TRPV4: variants seen among roughly 807,000 people sequenced by gnomAD.
The protein encoded by TRPV4 is OSM9-like transient receptor potential channel 4.
A neutral mutation model predicts 84.1 loss-of-function variants in TRPV4; 58 were observed. The observed-to-expected ratio is 0.69, with a 90% confidence interval of 0.56 to 0.86. The LOEUF is 0.86. Among genes scored for constraint, TRPV4 ranks in the 40% least tolerant of loss-of-function variants. TRPV4 has a pLI of 0.00. For missense variants in TRPV4, 879 were observed against 1,181.1 expected (o/e 0.74, Z 3.75); for synonymous variants, 489 against 500.9 (o/e 0.98, Z 0.32).
rs78287613 is a variant in TRPV4, at chr12:109,786,206, T to G, written c.2336+504A>C. 0.027 allele frequency among the ~76,000 whole-genome samples: 4,134 copies of G among 152,298 alleles called. 197 individuals are homozygous for G. Among genetic ancestry groups the G allele is most frequent in the African/African-American group, 0.095 (3,929 of 41,540 alleles). ...AGGGGTTCCCCTAAGAAGCTGGCAC[T>G]CCCTGTGCCTCTGGAACACGGAGTC... On this transcript the variant is annotated intron_variant, in intron 14 of 15. Transcript: ENST00000261740. This position sits in a 1 kb window ranked among gnomAD's most constrained non-coding sequence, Gnocchi z 4.5.
At position 109,815,414 on chromosome 12, in the gene TRPV4, A is replaced by G. The variant is rs1891799433; in HGVS notation, c.-31-587T>C. 6.6e-6 allele frequency among the ~76,000 whole-genome samples: 1 copy of G among 152,236 alleles called. No individual in the cohort carries two copies. Among genetic ancestry groups the G allele is most frequent in the Non-Finnish European group, 1.5e-5 (1 of 68,034 alleles). Reference sequence around the variant, plus strand: ...GAAAATCCATGTGGACTTGCTGTGTAGGCCGGCAGTCCTTTTCCTCATCAA... The same window carrying G: ...GAAAATCCATGTGGACTTGCTGTGTGGGCCGGCAGTCCTTTTCCTCATCAA... On this transcript the variant is annotated intron_variant, in intron 1 of 15. Coordinates refer to ENST00000261740, the MANE Select transcript of TRPV4 (RefSeq NM_021625.5). This position sits in a 1 kb window ranked among gnomAD's most constrained non-coding sequence, Gnocchi z 4.1.
chr12:109,800,843 G>A lies in TRPV4; in HGVS notation c.713-85C>T, dbSNP rs56081048. ...TGGGGGTGGGGGTAGGGTGCAGGAC[G>A]TAGAAATTGGGGGGTGGGGGATGCA... On this transcript the variant is annotated intron_variant, in intron 4 of 15. Transcript: ENST00000261740. The A allele has an allele frequency of 6.2e-5, 49 of 787,520 alleles. No individual in the cohort carries two copies. The East Asian group carries it at 1.8e-3, about 29-fold the overall frequency. The allele number at this position is 787,520 out of a possible 1,614,324, so 48.8% of individuals were successfully genotyped here. A position where few individuals can be genotyped will look rare whatever the true frequency, so the allele number is the denominator to read the frequency against.
intron 1 of TRPV4, chr12:109,832,510 C>G (rs1432393141): frequency 6.6e-6 from 1 of 152,252 alleles, no homozygotes; most frequent in Admixed American, 6.5e-5. Context: ...CCTGCCACTT[C>G]CCAAGCACCC....
chr12:109,783,273 C>A lies in TRPV4; in HGVS notation c.*348G>T. Reference sequence around the variant, plus strand: ...GCTTGGCCGGGCAGTGCACTTGGAACGGGGTCCTAAGGCCTCTGCCAGGTT... The same window carrying A: ...GCTTGGCCGGGCAGTGCACTTGGAAAGGGGTCCTAAGGCCTCTGCCAGGTT... On this transcript the variant is annotated 3_prime_UTR_variant, in exon 16 of 16. Coordinates refer to ENST00000261740, the MANE Select transcript of TRPV4 (RefSeq NM_021625.5). This position sits in a 1 kb window ranked among gnomAD's most constrained non-coding sequence, Gnocchi z 4.6. The A allele has an allele frequency of 3.9e-6, 1 of 256,850 alleles. No homozygotes were observed. Among genetic ancestry groups the A allele is most frequent in the Non-Finnish European group, 7.4e-6 (1 of 134,454 alleles). The allele number at this position is 256,850 out of a possible 1,614,324, so 15.9% of individuals were successfully genotyped here.
At chr12:109,789,364 G>A (rs946096656) in intron 12 of TRPV4, among the ~76,000 whole-genome samples, 6 of 152,050 alleles carry the variant, frequency 3.9e-5, no homozygotes, top group Admixed American at 2.6e-4. Context: ...ATCCTAATGC[G>A]GCCTACCATT....
rs184091289 is a variant in TRPV4 at position 109,817,960 on chromosome 12, C to T, written c.-31-3133G>A. Among the ~76,000 whole-genome samples, 131 of 152,256 alleles carry T rather than the reference C, an allele frequency of 8.6e-4. 2 individuals are homozygous for T. In the South Asian group the frequency reaches 0.021, roughly 24 times the overall value. On this transcript the variant is annotated intron_variant, in intron 1 of 15. Transcript: ENST00000261740. ...ATGACCCAGCCCACAATGTCAATAG[C>T]GTCGAGACTGAGAACATCTGCCCTG...
rs567659630 is a variant in TRPV4 at position 109,827,748 on chromosome 12, A to G, written c.-32+5602T>C. On this transcript the variant is annotated intron_variant, in intron 1 of 15. Coordinates refer to ENST00000261740, the MANE Select transcript of TRPV4 (RefSeq NM_021625.5). ...CATATGCACACACATACACACAGAC[A>G]TACATATACACACATACACACATAT... Among the ~76,000 whole-genome samples, 32 of 150,440 alleles carry G rather than the reference A, an allele frequency of 2.1e-4. No individual in the cohort carries two copies. In the Middle Eastern group the frequency reaches 0.017, roughly 80 times the overall value.
intron 1 of TRPV4, among the ~76,000 whole-genome samples, chr12:109,822,573 G>A (rs1234532177): frequency 1.3e-5 from 2 of 152,194 alleles, no homozygotes; most frequent in Non-Finnish European, 2.9e-5. Context: ...GAAAGGGGGA[G>A]GCAGGATTAG....
intron 7 of TRPV4, among the ~76,000 whole-genome samples, chr12:109,795,606 G>A (rs138618838): frequency 0.018 from 2,750 of 152,176 alleles, 104 homozygotes; most frequent in African/African-American, 0.062. Context: ...AAACCCAAGC[G>A]ACCAGCAATA....
Position 109,792,804 on chromosome 12 carries a change from C to T in TRPV4, c.1672G>A (p.Val558Ile). 6.2e-7 allele frequency: 1 copy of T among 1,613,848 alleles called. No individual in the cohort carries two copies. The highest frequency in any genetic ancestry group is 8.5e-7 in the Non-Finnish European group (1 of 1,180,030). The change falls in exon 11 of 16, where the codon GTC becomes ATC. Residue 558 changes from valine (V) to isoleucine (I), a missense_variant. Coordinates refer to ENST00000261740, the MANE Select transcript of TRPV4 (RefSeq NM_021625.5). ...SFQLLYFIYS[V>I]LVIVSAALYL... ...AGGGCTGCTGAGACGATCACCAGGACAGAGTAGATGAAGCTGCAGTGCAGC... is the reference window on the plus strand; with the variant it reads ...AGGGCTGCTGAGACGATCACCAGGATAGAGTAGATGAAGCTGCAGTGCAGC...
Position 109,798,941 on chromosome 12 carries a change from C to A in TRPV4, c.854-29G>T. 6.3e-7 allele frequency: 1 copy of A among 1,594,626 alleles called. No individual in the cohort carries two copies. Among genetic ancestry groups the A allele is most frequent in the South Asian group, 1.1e-5 (1 of 89,504 alleles). On this transcript the variant is annotated intron_variant, in intron 5 of 15. Transcript: ENST00000261740. This position sits in a 1 kb window ranked among gnomAD's most constrained non-coding sequence, Gnocchi z 5.0. ...CGGGCCAGGGTGAAGGGTGGGAGGT[C>A]AGCGAAGGGGGCCCAGGGTGGGACT...
Position 109,808,348 on chromosome 12 carries a change from C to A in TRPV4, c.507G>T (p.Leu169=), listed in dbSNP as rs753141319. 2.5e-6 allele frequency: 4 copies of A among 1,614,224 alleles called. No homozygotes were observed. The highest frequency in any genetic ancestry group is 4.5e-5 in the East Asian group (2 of 44,882). The change falls in exon 3 of 16, where the codon CTG becomes CTT. Residue 169 remains leucine (L), a synonymous_variant. Transcript: ENST00000261740. ...TCTTGTGGGTCAGCAAGAATGGGAG[C>A]AGCCCGTCCAGGTCAGCAGTGGAGC... ...SRGSTADLDG[L]LPFLLTHKKR...
intron 12 of TRPV4, among the ~76,000 whole-genome samples, chr12:109,790,470 A>G (rs1014517624): frequency 2.0e-5 from 3 of 152,236 alleles, no homozygotes; most frequent in Admixed American, 6.5e-5. Flanking sequence ...AAGAAGGTAT[A>G]TCAAGGGAGC....
intron 6 of TRPV4, among the ~76,000 whole-genome samples, chr12:109,797,859 C>T (rs897553672): frequency 4.6e-5 from 7 of 152,086 alleles, no homozygotes; most frequent in African/African-American, 1.7e-4. Context: ...TGTGGATCAC[C>T]GCATTTGTCA....
chr12:109,813,180 G>C (rs925068141), intron 2 of TRPV4, among the ~76,000 whole-genome samples: 1 of 152,226 alleles, frequency 6.6e-6, no homozygotes, highest in Non-Finnish European at 1.5e-5. Context: ...GGGAGGCCAA[G>C]GCAGGTGGAT....
At chr12:109,788,087 C>T (rs1889803781) in intron 13 of TRPV4, among the ~76,000 whole-genome samples, 1 of 152,220 alleles carries the variant, frequency 6.6e-6, no homozygotes, top group South Asian at 2.1e-4. Context: ...CGCTGATGCC[C>T]ACGGAGCACT....
chr12:109,810,743 G>T (rs370585228), intron 2 of TRPV4, among the ~76,000 whole-genome samples: 4 of 152,068 alleles, frequency 2.6e-5, no homozygotes, highest in Non-Finnish European at 5.9e-5. Flanking sequence ...AAGCAATACT[G>T]CCCCCACCAG....
intron 1 of TRPV4, among the ~76,000 whole-genome samples, chr12:109,825,923 C>A (rs1324845119): frequency 6.6e-6 from 1 of 152,194 alleles, no homozygotes; most frequent in Non-Finnish European, 1.5e-5. Context: ...AAGCTGCTGC[C>A]TCAGGGGTTA....
rs1378172755 is a variant in TRPV4 at position 109,814,167 on chromosome 12, TG to T, written c.386+243del. Among the ~76,000 whole-genome samples the T allele has an allele frequency of 2.6e-5, 4 of 151,204 alleles. No homozygotes were observed. The highest frequency in any genetic ancestry group is 5.9e-5 in the Non-Finnish European group (4 of 67,796). On this transcript the variant is annotated intron_variant, in intron 2 of 15. Transcript: ENST00000261740. The surrounding 1 kb of genome is among the most constrained non-coding windows in gnomAD (Gnocchi z 5.4). ...AGAGATGGAGAGATGAATGGATTGATGGATAGATGTGTGGATGGTTGGATGG... is the reference window on the plus strand; with the variant it reads ...AGAGATGGAGAGATGAATGGATTGATGATAGATGTGTGGATGGTTGGATGG...
Sources: allele counts gnomAD v4.1 joint callset (sites outside exome capture counted in the v4.1 genomes callset), GRCh38; gene constraint gnomAD v4.1.1; non-coding constraint Gnocchi (gnomAD v3.1); transcripts MANE v1.5; gene names NCBI Gene and HGNC (gene_info 2026-07-23, HGNC 2026-07-21).